Variants in N4BP2L2 observed in about 807,000 individuals in gnomAD.
N4BP2L2 encodes the protein NEDD4-binding protein 2-like 2.
In N4BP2L2, 50 loss-of-function variants were observed where a neutral mutation model predicts 56.2. The observed-to-expected ratio is 0.89, with a 90% CI of 0.71 to 1.13. The LOEUF is 1.13. N4BP2L2 is among the 50% of genes most tolerant of loss of function. The probability of loss-of-function intolerance (pLI) is 0.00; values close to 1 mark genes in which losing one functional copy is unlikely to be tolerated. For missense variants in N4BP2L2, 689 were observed against 693.8 expected (o/e 0.99, Z 0.08); for synonymous variants, 203 against 223.6 (o/e 0.91, Z 0.82).
intron 6 of N4BP2L2, among the ~76,000 whole-genome samples, chr13:32,459,951 A>G (rs1298353599): frequency 6.6e-6 from 1 of 152,206 alleles, no homozygotes; most frequent in East Asian, 1.9e-4. Context: ...CAAAAGGATA[A>G]TACACTATAA....
At chr13:32,499,535 C>A (rs996463179) in intron 6 of N4BP2L2, among the ~76,000 whole-genome samples, 3 of 152,162 alleles carry the variant, frequency 2.0e-5, no homozygotes, top group Non-Finnish European at 4.4e-5. Flanking sequence ...CTCATGATCG[C>A]CAAAAGCTAG....
At position 32,433,460 on chromosome 13, in the gene N4BP2L2, G is replaced by A. The variant is rs573862650; in HGVS notation, c.*22-488C>T. ...AGCCTGGCCAACATGGCAAAACCCC[G>A]TCTCTAAAATAATAAAAATACAAAA... On this transcript the variant is annotated intron_variant, in intron 9 of 9. Transcript: ENST00000357505. 4.6e-4 allele frequency among the ~76,000 whole-genome samples: 70 copies of A among 152,074 alleles called. 2 individuals are homozygous for A. In the South Asian group the frequency reaches 9.5e-3, roughly 21 times the overall value.
At chr13:32,456,273 G>C (rs1035841850) in intron 6 of N4BP2L2, among the ~76,000 whole-genome samples, 6 of 152,074 alleles carry the variant, frequency 3.9e-5, no homozygotes, top group Non-Finnish European at 7.4e-5. Context: ...CACAGATGCT[G>C]TTTACAGTTG....
intron 3 of N4BP2L2, 89 bp downstream of exon 3, chr13:32,527,319 G>T: frequency 7.1e-7 from 1 of 1,413,546 alleles, no homozygotes; most frequent in Non-Finnish European, 9.6e-7. Context: ...CAGTCATTCA[G>T]CTGGTAAAAA....
At chr13:32,535,492 T>C (rs984596147) in intron 2 of N4BP2L2, among the ~76,000 whole-genome samples, 1 of 152,256 alleles carries the variant, frequency 6.6e-6, no homozygotes, top group Non-Finnish European at 1.5e-5. Context: ...TTCTCAAGTG[T>C]AGCAAATTAA....
intron 6 of N4BP2L2, among the ~76,000 whole-genome samples, chr13:32,456,707 TG>T (rs2079044406): frequency 6.6e-6 from 1 of 152,192 alleles, no homozygotes; most frequent in African/African-American, 2.4e-5. Context: ...ACAGAAATCC[TG>T]GAACTGAAGA....
intron 6 of N4BP2L2, among the ~76,000 whole-genome samples, chr13:32,500,717 CAA>C (rs200056832): frequency 2.3e-4 from 30 of 132,216 alleles, no homozygotes; most frequent in Non-Finnish European, 1.5e-4. Flanking sequence ...AACCGTGTCT[CAA>C]AAAAAAAAAA....
intron 2 of N4BP2L2, 67 bp downstream of exon 2, chr13:32,535,702 C>T (rs568707924): frequency 2.0e-5 from 30 of 1,509,924 alleles, no homozygotes; most frequent in African/African-American, 1.7e-4. Context: ...CTGCAGCCGG[C>T]GACAAATATC....
At chr13:32,517,797 C>A in exon 6 of N4BP2L2, 1 of 1,612,110 alleles carries the variant, frequency 6.2e-7, no homozygotes, top group Non-Finnish European at 8.5e-7. Context: ...CTGAAAATAG[C>A]TAATTTAATG....
chr13:32,444,246 T>C (rs1446586886), intron 6 of N4BP2L2: 1 of 678,342 alleles, frequency 1.5e-6, no homozygotes, highest in Non-Finnish European at 2.2e-6. Flanking sequence ...GACTCTCAAG[T>C]GTGCACGTAC....
At chr13:32,468,991 AAGAGAGCTGCTGTG>A (rs1253788517) in intron 6 of N4BP2L2, among the ~76,000 whole-genome samples, 2 of 152,226 alleles carry the variant, frequency 1.3e-5, no homozygotes, top group South Asian at 2.1e-4. Flanking sequence ...TAGACAGTGT[AAGAGAGCTGCTGTG>A]AGAGAGCTGC....
At chr13:32,444,888 G>A (rs1466895649) in intron 6 of N4BP2L2, among the ~76,000 whole-genome samples, 1 of 152,104 alleles carries the variant, frequency 6.6e-6, no homozygotes, top group Non-Finnish European at 1.5e-5. Flanking sequence ...CTGAAAAATT[G>A]TACAGCATGT....
chr13:32,534,694 C>T (rs2056050574), intron 2 of N4BP2L2, among the ~76,000 whole-genome samples: 1 of 152,152 alleles, frequency 6.6e-6, no homozygotes, highest in Admixed American at 6.5e-5. Context: ...AGTGTCTTTT[C>T]TCTGAAAAAG....
chr13:32,447,736 T>C (rs1234873063), intron 6 of N4BP2L2, among the ~76,000 whole-genome samples: 2 of 152,190 alleles, frequency 1.3e-5, no homozygotes, highest in Non-Finnish European at 2.9e-5. Flanking sequence ...TGCTTTGTTT[T>C]CTAAGCAGAT....
chr13:32,519,737 A>T (rs559588411), intron 5 of N4BP2L2, among the ~76,000 whole-genome samples: 109 of 151,120 alleles, frequency 7.2e-4, no homozygotes, highest in African/African-American at 1.7e-3. Flanking sequence ...TTTTTAATTT[A>T]AAAAAAAAGA....
chr13:32,443,888 C>T (rs1038699287), exon 7 of N4BP2L2: 2 of 1,568,754 alleles, frequency 1.3e-6, no homozygotes, highest in Non-Finnish European at 1.7e-6. Flanking sequence ...GTCACAAAAT[C>T]TCCGACTTCA....
chr13:32,442,646 T>A, exon 7 of N4BP2L2: 3 of 1,613,896 alleles, frequency 1.9e-6, no homozygotes, highest in Non-Finnish European at 2.5e-6. Flanking sequence ...CCTGCATCAT[T>A]TAGTTTATTA....
chr13:32,460,485 T>G lies in N4BP2L2; in HGVS notation c.366-16359A>C, dbSNP rs1319703632. 1.3e-4 allele frequency among the ~76,000 whole-genome samples: 20 copies of G among 152,176 alleles called. No individual in the cohort carries two copies. In the East Asian group the frequency reaches 3.9e-3, roughly 29 times the overall value. ...AAGACATAAAATCAACATATAAAAA[T>G]CAGTGGTATTGCTATATACAACAGT... On this transcript the variant is annotated intron_variant, in intron 6 of 9. Coordinates refer to the N4BP2L2 transcript ENST00000357505.
intron 2 of N4BP2L2, among the ~76,000 whole-genome samples, chr13:32,533,513 T>G (rs1421082700): frequency 6.8e-6 from 1 of 146,372 alleles, no homozygotes; most frequent in African/African-American, 2.6e-5. Context: ...TAAGCATTAC[T>G]AATTTTTTTT....
Sources: allele counts gnomAD v4.1 joint callset (sites outside exome capture counted in the v4.1 genomes callset), GRCh38; gene constraint gnomAD v4.1.1; transcripts MANE v1.5; gene names NCBI Gene and HGNC (gene_info 2026-07-23, HGNC 2026-07-21).